The following SLC25A48 variants were observed in gnomAD, a reference collection of about 807,000 sequenced individuals.
SLC25A48 encodes the protein solute carrier family 25 member 48.
Under a neutral mutation model 32.2 loss-of-function variants are expected in SLC25A48, and 29 were observed. The ratio of observed to expected loss-of-function variants is 0.90; its 90% CI spans 0.67 to 1.23. The LOEUF (loss-of-function observed/expected upper bound fraction) is 1.23. Among genes scored for constraint, SLC25A48 ranks in the 50% most tolerant of loss-of-function variants. SLC25A48 has a pLI of 0.00. For synonymous variants in SLC25A48, 164 were observed against 172.3 expected (o/e 0.95, Z 0.38); for missense variants, 399 against 422.7 (o/e 0.94, Z 0.49).
chr5:135,717,418 T>C (rs1052005918), intron 3 of SLC25A48, among the ~76,000 whole-genome samples: 2 of 152,220 alleles, frequency 1.3e-5, no homozygotes, highest in African/African-American at 4.8e-5. Flanking sequence ...GAGATCTTTG[T>C]GGGCAATGTG....
In SLC25A48 at chr5:135,606,656, C is replaced by T. The variant is rs758658041; in HGVS notation, c.-848-22581C>T. ...CCCCAGCTCCTTTGTCTCTGAAATA[C>T]CCAGGATCCATTGTCATCCCTGGCA... On this transcript the variant is annotated intron_variant, in intron 1 of 10. Coordinates refer to the SLC25A48 transcript ENST00000646290. 8.1e-4 allele frequency among the ~76,000 whole-genome samples: 124 copies of T among 152,156 alleles called. 1 individual carries two copies. The highest frequency in any genetic ancestry group is 1.3e-3 in the Non-Finnish European group (90 of 68,030).
At chr5:135,660,836 G>GTGC (rs1037773271) in intron 3 of SLC25A48, among the ~76,000 whole-genome samples, 2 of 152,188 alleles carry the variant, frequency 1.3e-5, no homozygotes, top group African/African-American at 2.4e-5. Context: ...AAGTCCCCGG[G>GTGC]TGCTGCTGCT....
At chr5:135,775,651 A>G (rs1202034176) in intron 3 of SLC25A48, among the ~76,000 whole-genome samples, 2 of 151,356 alleles carry the variant, frequency 1.3e-5, no homozygotes, top group African/African-American at 2.4e-5. Context: ...TTATATCCAG[A>G]AGGGGAGAGG....
chr5:135,842,787 G>A (rs967353693), intron 2 of SLC25A48, among the ~76,000 whole-genome samples: 5 of 152,342 alleles, frequency 3.3e-5, no homozygotes, highest in Non-Finnish European at 5.9e-5. Flanking sequence ...CTAGAAAGGG[G>A]AAGGGGCTCA....
intron 3 of SLC25A48, among the ~76,000 whole-genome samples, chr5:135,805,018 C>A (rs534731388): frequency 1.3e-5 from 2 of 151,428 alleles, no homozygotes; most frequent in South Asian, 4.2e-4. Context: ...TTAGTGTGCA[C>A]CCTGAAATAT....
Position 135,778,918 on chromosome 5 carries a change from T to C in SLC25A48, c.-520-33605T>C, listed in dbSNP as rs551592211. On this transcript the variant is annotated intron_variant, in intron 3 of 10. Coordinates refer to the SLC25A48 transcript ENST00000646290. Reference sequence around the variant, plus strand: ...GTATTACTCCCAATATTGCAGGAGGTGTACACCTCCACTCATATATGTTTT... The same window carrying C: ...GTATTACTCCCAATATTGCAGGAGGCGTACACCTCCACTCATATATGTTTT... 1.7e-3 allele frequency among the ~76,000 whole-genome samples: 249 copies of C among 143,174 alleles called. 2 individuals carry two copies. The highest frequency in any genetic ancestry group is 1.6e-3 in the Non-Finnish European group (106 of 66,352). 93.9% of individuals were successfully genotyped at this position (143,174 alleles called of 152,430 possible). A position where few individuals can be genotyped will look rare whatever the true frequency, so the allele number is the denominator to read the frequency against.
intron 3 of SLC25A48, among the ~76,000 whole-genome samples, chr5:135,769,012 C>G (rs1756325683): frequency 6.6e-6 from 1 of 151,570 alleles, no homozygotes; most frequent in Admixed American, 6.6e-5. Flanking sequence ...GTGTACACAC[C>G]TCTGCGATCT....
chr5:135,791,177 G>A (rs1236837004), intron 3 of SLC25A48, among the ~76,000 whole-genome samples: 2 of 150,938 alleles, frequency 1.3e-5, no homozygotes, highest in Non-Finnish European at 3.0e-5. Flanking sequence ...ATCACACTGA[G>A]GGTACACCCT....
intron 1 of SLC25A48, among the ~76,000 whole-genome samples, chr5:135,612,537 T>C (rs907913947): frequency 2.0e-5 from 3 of 152,184 alleles, no homozygotes; most frequent in Admixed American, 2.0e-4. Flanking sequence ...ACCCCTGCCC[T>C]GCCACGTACA....
chr5:135,662,183 A>T (rs552707844), intron 3 of SLC25A48, among the ~76,000 whole-genome samples: 199 of 152,214 alleles, frequency 1.3e-3, no homozygotes, highest in African/African-American at 4.7e-3. Context: ...TTCTCTAATC[A>T]TTAGAATGGT....
chr5:135,786,995 T>A (rs1225874460), intron 3 of SLC25A48, among the ~76,000 whole-genome samples: 1 of 152,070 alleles, frequency 6.6e-6, no homozygotes, highest in Non-Finnish European at 1.5e-5. Flanking sequence ...GTATACACTC[T>A]GTGATATTAT....
chr5:135,713,350 C>T (rs1364440374), intron 3 of SLC25A48, among the ~76,000 whole-genome samples: 1 of 152,192 alleles, frequency 6.6e-6, no homozygotes, highest in Admixed American at 6.5e-5. Flanking sequence ...TTTTACGAAA[C>T]TTTTTCACAA....
At chr5:135,789,205 C>CT (rs150442807) in intron 3 of SLC25A48, among the ~76,000 whole-genome samples, 1 of 148,176 alleles carries the variant, frequency 6.7e-6, no homozygotes, top group African/African-American at 2.5e-5. Flanking sequence ...CACCCTCCCC[C>CT]GCCACGATAT....
intron 3 of SLC25A48, among the ~76,000 whole-genome samples, chr5:135,714,406 G>T (rs985250486): frequency 3.3e-5 from 5 of 152,192 alleles, no homozygotes; most frequent in Non-Finnish European, 7.4e-5. Flanking sequence ...TCTCTGCCCT[G>T]TTCCACAGTC....
At chr5:135,757,623 ATATC>A (rs1245094778) in intron 3 of SLC25A48, among the ~76,000 whole-genome samples, 3 of 149,598 alleles carry the variant, frequency 2.0e-5, no homozygotes, top group Non-Finnish European at 3.0e-5. Context: ...TATTAATAAA[ATATC>A]TAGATATTAA....
chr5:135,701,401 C>G (rs960716298), intron 3 of SLC25A48, among the ~76,000 whole-genome samples: 2 of 152,142 alleles, frequency 1.3e-5, no homozygotes, highest in Admixed American at 1.3e-4. Context: ...CAAAGTTAGC[C>G]AAACTGCCTA....
At chr5:135,740,607 C>T (rs563845026) in intron 3 of SLC25A48, among the ~76,000 whole-genome samples, 7 of 152,260 alleles carry the variant, frequency 4.6e-5, no homozygotes, top group African/African-American at 1.7e-4. Flanking sequence ...GGTGTGATAA[C>T]GAACACTGAA....
chr5:135,773,177 G>C (rs191215202), intron 3 of SLC25A48, among the ~76,000 whole-genome samples: 53 of 151,592 alleles, frequency 3.5e-4, no homozygotes, highest in Admixed American at 9.2e-4. Context: ...GAATATCGCA[G>C]GGGGTATACA....
chr5:135,718,065 C>T (rs1467250169), intron 3 of SLC25A48, among the ~76,000 whole-genome samples: 3 of 151,900 alleles, frequency 2.0e-5, no homozygotes, highest in Non-Finnish European at 4.4e-5. Context: ...TGGGGTGTAG[C>T]GGCATGATCT....
Sources: gnomAD v4.1 joint callset for allele counts (sites outside exome capture counted in the v4.1 genomes callset) on GRCh38, gnomAD v4.1.1 for gene constraint, MANE v1.5 for transcripts, NCBI Gene and HGNC (gene_info 2026-07-23, HGNC 2026-07-21) for gene names.